Variants in C2CD5 observed in about 807,000 individuals in gnomAD.
C2CD5 encodes C2 calcium dependent domain containing 5, also known as C2 domain-containing protein 5.
In C2CD5, 109 loss-of-function variants were observed where a neutral mutation model predicts 130.3. The observed-to-expected ratio is 0.84, with a 90% confidence interval of 0.72 to 0.98. C2CD5 has a LOEUF of 0.98. C2CD5 is among the 50% of genes least tolerant of loss of function. C2CD5 has a pLI of 0.00. For synonymous variants in C2CD5, 454 were observed against 429.2 expected (o/e 1.06, Z -0.71); for missense variants, 996 against 1,261.8 (o/e 0.79, Z 3.19).
chr12:22,516,540 G>A (rs1260171712), intron 8 of C2CD5, among the ~76,000 whole-genome samples: 1 of 149,644 alleles, frequency 6.7e-6, no homozygotes, highest in Non-Finnish European at 1.5e-5. Flanking sequence ...TCTTCTTTAG[G>A]CTTGGCCTTT....
chr12:22,486,647 G>C (rs1292999625), intron 12 of C2CD5, among the ~76,000 whole-genome samples: 2 of 152,034 alleles, frequency 1.3e-5, no homozygotes, highest in African/African-American at 4.8e-5. Flanking sequence ...CTATACAAAT[G>C]AATGGCTGAT....
intron 13 of C2CD5, 132 bp downstream of exon 13, chr12:22,484,565 T>C (rs1945207096): frequency 1.4e-5 from 6 of 438,156 alleles, no homozygotes; most frequent in Non-Finnish European, 2.4e-5. Flanking sequence ...AAATACAAAG[T>C]TCCAGCAGAA....
At chr12:22,466,579 C>G (rs1453948882) in intron 22 of C2CD5, among the ~76,000 whole-genome samples, 1 of 152,038 alleles carries the variant, frequency 6.6e-6, no homozygotes, top group Non-Finnish European at 1.5e-5. Flanking sequence ...TTTTTCAGAC[C>G]TTTTCAAAAC....
chr12:22,453,237 G>A (rs1185253642), intron 26 of C2CD5, among the ~76,000 whole-genome samples: 1 of 152,122 alleles, frequency 6.6e-6, no homozygotes, highest in Non-Finnish European at 1.5e-5. Context: ...ATTACCAGCA[G>A]CCACATACAG....
intron 5 of C2CD5, among the ~76,000 whole-genome samples, chr12:22,524,956 A>AATT (rs1485770230): frequency 4.5e-5 from 5 of 111,958 alleles, no homozygotes; most frequent in African/African-American, 3.4e-4. Flanking sequence ...TCAGCTAGCT[A>AATT]ATTATTATAT....
At chr12:22,537,241 A>G (rs1951903439) in intron 2 of C2CD5, among the ~76,000 whole-genome samples, 1 of 152,168 alleles carries the variant, frequency 6.6e-6, no homozygotes, top group Non-Finnish European at 1.5e-5. Context: ...CAAACAAAAA[A>G]GACTTTAGAA....
chr12:22,502,688 G>T (rs938210686), intron 10 of C2CD5: 2 of 983,306 alleles, frequency 2.0e-6, no homozygotes, highest in African/African-American at 1.6e-5. Flanking sequence ...ACTTCACTGA[G>T]CTGCCATAAT....
intron 2 of C2CD5, among the ~76,000 whole-genome samples, chr12:22,541,262 T>G (rs756671201): frequency 2.6e-5 from 4 of 152,284 alleles, no homozygotes; most frequent in African/African-American, 9.6e-5. Context: ...AAAATATACC[T>G]GGAATTCATC....
At chr12:22,470,600 T>C (rs77273199) in intron 21 of C2CD5, among the ~76,000 whole-genome samples, 1,678 of 152,212 alleles carry the variant, frequency 0.011, 14 homozygotes, top group Non-Finnish European at 0.018. Flanking sequence ...ACCAGCAGCA[T>C]TCTCTATGTA....
chr12:22,535,414 G>A (rs1047411931), intron 2 of C2CD5, 70 bp from the exon 3 acceptor site: 2 of 791,566 alleles, frequency 2.5e-6, no homozygotes, highest in Admixed American at 4.1e-5. Flanking sequence ...TTTAATGTCA[G>A]CCAACCAATA....
intron 4 of C2CD5, among the ~76,000 whole-genome samples, chr12:22,526,336 A>G (rs1436453526): frequency 6.6e-6 from 1 of 152,194 alleles, no homozygotes; most frequent in East Asian, 1.9e-4. Flanking sequence ...AACACTTTAC[A>G]GGTAGTATCT....
chr12:22,469,608 A>G, intron 22 of C2CD5, 101 bp downstream of exon 22: 2 of 598,646 alleles, frequency 3.3e-6, no homozygotes, highest in Non-Finnish European at 5.7e-6. Flanking sequence ...AATGAAGGAT[A>G]AATTTTCACC....
At chr12:22,456,096 G>A (rs1429339066) in intron 25 of C2CD5, among the ~76,000 whole-genome samples, 1 of 152,172 alleles carries the variant, frequency 6.6e-6, no homozygotes, top group Non-Finnish European at 1.5e-5. Flanking sequence ...TACTGTGCTA[G>A]GCGCAGGATG....
chr12:22,525,228 G>C (rs1441568884), intron 5 of C2CD5, among the ~76,000 whole-genome samples: 1 of 152,048 alleles, frequency 6.6e-6, no homozygotes, highest in Non-Finnish European at 1.5e-5. Context: ...CTGCAGGCGG[G>C]CTGTGATCAC....
chr12:22,468,527 C>G (rs1942481268), intron 22 of C2CD5, among the ~76,000 whole-genome samples: 1 of 152,160 alleles, frequency 6.6e-6, no homozygotes, highest in African/African-American at 2.4e-5. Flanking sequence ...CCAAAGAAGA[C>G]TCTTGACAGT....
intron 14 of C2CD5, among the ~76,000 whole-genome samples, chr12:22,481,858 CT>C (rs1298523896): frequency 7.4e-6 from 1 of 135,564 alleles, no homozygotes; most frequent in East Asian, 2.2e-4. Context: ...GGTCTAACTT[CT>C]GGGCTCAAGT....
At chr12:22,474,655 TG>T (rs1365967738) in intron 16 of C2CD5, 95 bp downstream of exon 16, 1 of 802,832 alleles carries the variant, frequency 1.2e-6, no homozygotes, top group African/African-American at 1.8e-5. Context: ...TTATAACAGT[TG>T]TAATGATATA....
intron 22 of C2CD5, among the ~76,000 whole-genome samples, chr12:22,467,975 C>T (rs1057102164): frequency 2.6e-5 from 4 of 151,696 alleles, no homozygotes; most frequent in African/African-American, 9.7e-5. Flanking sequence ...GTATTAACAA[C>T]ATAGTAAAAC....
At chr12:22,538,501 T>C (rs1160730949) in intron 2 of C2CD5, among the ~76,000 whole-genome samples, 2 of 152,164 alleles carry the variant, frequency 1.3e-5, no homozygotes, top group African/African-American at 4.8e-5. Flanking sequence ...AGAGGAGTAT[T>C]TACGAATACG....
Sources: allele counts gnomAD v4.1 joint callset (sites outside exome capture counted in the v4.1 genomes callset), GRCh38; gene constraint gnomAD v4.1.1; transcripts MANE v1.5; gene names NCBI Gene and HGNC (gene_info 2026-07-23, HGNC 2026-07-21).